The following DNAH17 variants were observed in gnomAD, a reference collection of about 807,000 sequenced individuals.
DNAH17 encodes the protein dynein axonemal heavy chain 17.
A neutral mutation model predicts 485.6 loss-of-function variants in DNAH17; 376 were observed. The ratio of observed to expected loss-of-function variants is 0.77; its 90% CI spans 0.71 to 0.84. The LOEUF is 0.84. DNAH17 is among the 40% of genes least tolerant of loss of function. The pLI, the probability that DNAH17 is intolerant of heterozygous loss-of-function variation, is 0.00. For missense variants in DNAH17, 6,370 were observed against 5,839.3 expected, an observed-to-expected ratio of 1.09 and a Z score of -2.96; for synonymous variants, 3,031 against 2,405.9, an observed-to-expected ratio of 1.26 and a Z score of -7.60.
chr17:78,568,338 C>T (rs150177702), intron 9 of DNAH17, among the ~76,000 whole-genome samples: 1 of 152,230 alleles, frequency 6.6e-6, no homozygotes, highest in East Asian at 1.9e-4. Flanking sequence ...CCTCCCCTGC[C>T]CCCCAGGAGG....
chr17:78,524,985 C>A (rs774670412), intron 25 of DNAH17, 24 bp downstream of exon 25: 1 of 1,588,572 alleles, frequency 6.3e-7, no homozygotes, highest in Non-Finnish European at 8.6e-7. Context: ...CGGGCCCCAC[C>A]CACGCGGCGT....
At chr17:78,466,908 C>G in intron 55 of DNAH17, 92 bp from the exon 56 acceptor site, 1 of 1,372,274 alleles carries the variant, frequency 7.3e-7, no homozygotes, top group East Asian at 2.8e-5. Context: ...CAGAAAGCAA[C>G]GCGCCCTGCC....
intron 80 of DNAH17, 174 bp from the exon 81 acceptor site, chr17:78,424,327 C>G: frequency 1.4e-6 from 1 of 715,956 alleles, no homozygotes; most frequent in Non-Finnish European, 2.2e-6. Context: ...TGATGGCCTG[C>G]ATGTTGTAAC....
chr17:78,544,800 C>CAAAAAAAAAAAAAAAAAAAAAAAAAAAAA lies in DNAH17; in HGVS notation c.2392-804_2392-803insTTTTTTTTTTTTTTTTTTTTTTTTTTTTT, dbSNP rs55669221. 2.8e-4 allele frequency among the ~76,000 whole-genome samples: 13 copies of CAAAAAAAAAAAAAAAAAAAAAAAAAAAAA among 46,876 alleles called. 1 individual carries two copies. Among genetic ancestry groups the CAAAAAAAAAAAAAAAAAAAAAAAAAAAAA allele is most frequent in the East Asian group, 6.1e-4 (1 of 1,630 alleles). The allele number at this position is 46,876 out of a possible 152,430, so 30.8% of individuals were successfully genotyped here. A position where few individuals can be genotyped will look rare whatever the true frequency, so the allele number is the denominator to read the frequency against. ...TGGGGCACAGAGCGAGACTCAGTCT[C>CAAAAAAAAAAAAAAAAAAAAAAAAAAAAA]AAAAAAAAAAAAAAAAAAAAAAAAG... On this transcript the variant is annotated intron_variant, in intron 16 of 80. Transcript: ENST00000389840.
intron 6 of DNAH17, 69 bp downstream of exon 6, chr17:78,570,864 AAAAAAAAAAAAAAAG>A: frequency 1.4e-6 from 1 of 698,034 alleles, no homozygotes; most frequent in Non-Finnish European, 2.1e-6. Flanking sequence ...CTCAAAAAAA[AAAAAAAAAAAAAAAG>A]AAAAAAGAAA....
intron 75 of DNAH17, among the ~76,000 whole-genome samples, chr17:78,430,097 ATTC>A (rs1481227419): frequency 1.3e-5 from 2 of 152,044 alleles, no homozygotes; most frequent in African/African-American, 2.4e-5. Flanking sequence ...GCTCTGGAAC[ATTC>A]TTCTTCCTAC....
chr17:78,440,956 T>G, intron 72 of DNAH17, 95 bp downstream of exon 72: 1 of 1,436,580 alleles, frequency 7.0e-7, no homozygotes. Flanking sequence ...GGGTGTGAAG[T>G]GGTGTCTCAT....
intron 77 of DNAH17, among the ~76,000 whole-genome samples, chr17:78,427,571 G>A (rs1010353534): frequency 2.6e-5 from 4 of 152,218 alleles, no homozygotes; most frequent in Admixed American, 2.6e-4. Flanking sequence ...ATTAGACTAA[G>A]AGAAAGTCCT....
chr17:78,517,999 AAAAC>A (rs781688263), intron 25 of DNAH17, among the ~76,000 whole-genome samples: 43 of 152,378 alleles, frequency 2.8e-4, no homozygotes, highest in South Asian at 1.0e-3. Flanking sequence ...AGCCACTAAG[AAAAC>A]TATATAAAGC....
Position 78,484,907 on chromosome 17 carries a change from G to C in DNAH17, c.7610C>G (p.Pro2537Arg). The change falls in exon 48 of 81, where the codon CCG becomes CGG. Residue 2537 changes from proline (P) to arginine (R), a missense_variant. Transcript: ENST00000389840. ...CATGTGCTGCCGGATGAGGGTGTGC[G>C]GGGCCACCGTCCCATACTTGTCCAC... Reference protein sequence around the residue: ...PEVDKYGTVAPHTLIRQHMDH... With the variant: ...PEVDKYGTVARHTLIRQHMDH... 1.9e-6 allele frequency: 3 copies of C among 1,592,038 alleles called. No individual in the cohort carries two copies. Among genetic ancestry groups the C allele is most frequent in the Non-Finnish European group, 2.6e-6 (3 of 1,169,042 alleles).
rs1004192445 is a variant in DNAH17, at chr17:78,501,834, T to G, written c.5230A>C (p.Asn1744His). ...TTCATCCTGTCGCCAGCGTTGAGGT[T>G]CCCCATGAGCAGCGTGATGAGTACG... ...LNVLITLLMG[N>H]LNAGDRMKIM... is the part of the protein sequence containing the mutation. The change falls in exon 34 of 81, where the codon AAC becomes CAC. Residue 1744 changes from asparagine to histidine, a missense_variant. By Grantham distance (68) the Asn-to-His change is moderately conservative. Transcript: ENST00000389840. 12 of 1,613,830 alleles carry G rather than the reference T, an allele frequency of 7.4e-6. No individual in the cohort carries two copies. Among genetic ancestry groups the G allele is most frequent in the Admixed American group, 3.3e-5 (2 of 60,008 alleles).
chr17:78,460,754 GAC>G (rs1463406362), intron 58 of DNAH17, among the ~76,000 whole-genome samples: 3 of 152,154 alleles, frequency 2.0e-5, no homozygotes, highest in Non-Finnish European at 4.4e-5. Context: ...GGGCCACTGA[GAC>G]CGCCTTGACT....
Position 78,490,762 on chromosome 17 carries a change from G to A in DNAH17, c.6755C>T (p.Thr2252Ile), listed in dbSNP as rs1480624570. The A allele has an allele frequency of 6.2e-7, 1 of 1,606,388 alleles. No individual in the cohort carries two copies. Among genetic ancestry groups the A allele is most frequent in the East Asian group, 2.2e-5 (1 of 44,532 alleles). The change falls in exon 44 of 81, where the codon ACC (threonine) becomes ATC (isoleucine). Residue 2252 changes from threonine to isoleucine, a missense_variant. Thr to Ile is a moderately conservative substitution (Grantham distance 89, BLOSUM62 -1). Transcript: ENST00000389840. The stretch of plus-strand genomic sequence containing the variant: ...GCCGGCTCTGGAAACGGTGGCTGGG[G>A]TGGCCGTCCTCAGGTGGCTGATTTC... ...VFEISHLRTA[T>I]PATVSRAGIL... is the part of the protein sequence containing the mutation.
intron 27 of DNAH17, among the ~76,000 whole-genome samples, chr17:78,509,048 C>CG (rs2090565261): frequency 1.5e-5 from 1 of 66,580 alleles, no homozygotes; most frequent in Non-Finnish European, 3.2e-5. Flanking sequence ...CTCACTGCAA[C>CG]TTCTCCCTCC....
At chr17:78,488,187 C>T (rs2089696238) in intron 44 of DNAH17, among the ~76,000 whole-genome samples, 2 of 152,214 alleles carry the variant, frequency 1.3e-5, no homozygotes, top group African/African-American at 4.8e-5. Context: ...ATGCGTAGCA[C>T]AGGCCCCAGG....
rs868532432 is a variant in DNAH17, at chr17:78,571,010, C to G, written c.856G>C (p.Val286Leu). ...TEGLKEANDIVLYLKPLRILL... is the reference protein window; with the variant it reads ...TEGLKEANDILLYLKPLRILL... ...ATCCGTAGGGGCTTCAAATAGAGCA[C>G]GATGTCGTTGGCTTCCTTCAGCCCT... Residue 286 changes from valine to leucine, a missense_variant, in exon 6 of 81, where the codon GTG (valine) becomes CTG (leucine). Val to Leu is a conservative substitution (Grantham distance 32). Coordinates refer to ENST00000389840, the MANE Select transcript of DNAH17 (RefSeq NM_173628.4). 6.3e-7 allele frequency: 1 copy of G among 1,577,228 alleles called. No individual in the cohort carries two copies. The highest frequency in any genetic ancestry group is 1.8e-5 in the Admixed American group (1 of 54,512).
chr17:78,462,711 G>C, intron 57 of DNAH17, 133 bp downstream of exon 57: 1 of 802,104 alleles, frequency 1.2e-6, no homozygotes, highest in South Asian at 1.8e-5. Flanking sequence ...TCAAAGGCAG[G>C]AAGCGTGCTC....
At chr17:78,506,899 G>A in intron 29 of DNAH17, 53 bp from the exon 30 acceptor site, 1 of 1,606,242 alleles carries the variant, frequency 6.2e-7, no homozygotes, top group Non-Finnish European at 8.5e-7. Context: ...CTGTAGGGAT[G>A]TCTGCCACCC....
At chr17:78,441,910 C>T (rs938059112) in intron 71 of DNAH17, among the ~76,000 whole-genome samples, 1 of 152,056 alleles carries the variant, frequency 6.6e-6, no homozygotes, top group Non-Finnish European at 1.5e-5. Context: ...CATGACAAAA[C>T]CCTCTCTACT....
Sources: gnomAD v4.1 joint callset for allele counts (sites outside exome capture counted in the v4.1 genomes callset) on GRCh38, gnomAD v4.1.1 for gene constraint, MANE v1.5 for transcripts, NCBI Gene and HGNC (gene_info 2026-07-23, HGNC 2026-07-21) for gene names.